Variants in MYBBP1A observed in about 807,000 individuals in gnomAD.
MYBBP1A encodes the protein myb-binding protein 1A.
Under a neutral mutation model 136.3 loss-of-function variants are expected in MYBBP1A, and 147 were observed. That is an observed-to-expected ratio of 1.08 (90% CI 0.94 to 1.24). MYBBP1A has a LOEUF of 1.24. Among genes scored for constraint, MYBBP1A ranks in the 50% most tolerant of loss-of-function variants. MYBBP1A has a pLI of 0.00. For synonymous variants in MYBBP1A, 947 were observed against 735.8 expected (o/e 1.29, Z -4.65); for missense variants, 2,060 against 1,727.4 (o/e 1.19, Z -3.41).
Position 4,539,775 on chromosome 17 carries a change from G to A in MYBBP1A, c.3627C>T (p.Gly1209=), listed in dbSNP as rs1216608505. 1.1e-5 allele frequency: 18 copies of A among 1,612,736 alleles called. No homozygotes were observed. Among genetic ancestry groups the A allele is most frequent in the Non-Finnish European group, 1.5e-5 (18 of 1,180,026 alleles). Residue 1209 remains glycine, a synonymous_variant, in exon 26 of 26, where the codon GGC becomes GGT. Transcript: ENST00000254718. ...ATGGSQPPSM[G]RKKRNRTKAK... ...CCTTTGTCCTGTTCCTCTTCTTCCT[G>A]CCCATGCTGGGGGGCTGGCTCCCGC...
Position 4,549,440 on chromosome 17 carries a change from G to A in MYBBP1A, c.1322C>T (p.Pro441Leu), listed in dbSNP as rs148415497. 1 of 1,612,094 alleles carries A rather than the reference G, an allele frequency of 6.2e-7. No homozygotes were observed. Among genetic ancestry groups the A allele is most frequent in the African/African-American group, 1.3e-5 (1 of 74,908 alleles). ...CCTCAGCCGGAACACAGCTCGCTCAGGCCTAGCGGGGCAGGAGGCGAGGTC... is the reference window on the plus strand; with the variant it reads ...CCTCAGCCGGAACACAGCTCGCTCAAGCCTAGCGGGGCAGGAGGCGAGGTC... The part of the protein sequence containing the change: ...KKAQDSSLHM[P>L]ERAVFRLRKW... Residue 441 changes from proline to leucine, a missense_variant and splice_region_variant, in exon 10 of 26, where the codon CCT (proline) becomes CTT (leucine). Coordinates refer to ENST00000254718, the MANE Select transcript of MYBBP1A (RefSeq NM_014520.4).
chr17:4,539,575 T>C lies in MYBBP1A; in HGVS notation c.3827A>G (p.Gln1276Arg). Reference sequence around the variant, plus strand: ...CTTTTTGGGAAGAGCCTTCTGATGCTGCTTTTGGCCTGCAGGTTCCGTGGG... The same window carrying C: ...CTTTTTGGGAAGAGCCTTCTGATGCCGCTTTTGGCCTGCAGGTTCCGTGGG... ...GSPTEPAGQK[Q>R]HQKALPKKGV... Residue 1276 changes from glutamine (Q) to arginine (R), a missense_variant, in exon 26 of 26, where the codon CAG becomes CGG. Physicochemically the swap from Gln to Arg is conservative, Grantham distance 43. Coordinates refer to ENST00000254718, the MANE Select transcript of MYBBP1A (RefSeq NM_014520.4). The C allele has an allele frequency of 6.2e-7, 1 of 1,614,178 alleles. No homozygotes were observed. The highest frequency in any genetic ancestry group is 8.5e-7 in the Non-Finnish European group (1 of 1,180,042).
chr17:4,539,159 C>T lies in MYBBP1A; in HGVS notation c.*256G>A, dbSNP rs1359481625. 5 of 1,463,486 alleles carry T rather than the reference C, an allele frequency of 3.4e-6. No individual in the cohort carries two copies. The South Asian group carries it at 4.3e-5, about 12-fold the overall frequency. The allele number at this position is 1,463,486 out of a possible 1,614,324, so 90.7% of individuals were successfully genotyped here. ...ACCAACCCAGGCAAACACCAGAGCC[C>T]TGGACATGGCCCTGGAGCCAGGGTC... On this transcript the variant is annotated 3_prime_UTR_variant, in exon 26 of 26. Transcript: ENST00000254718.
chr17:4,554,331 A>C (rs1907832851), intron 2 of MYBBP1A, 53 bp from the exon 3 acceptor site: 1 of 1,507,650 alleles, frequency 6.6e-7, no homozygotes, highest in Non-Finnish European at 9.2e-7. Flanking sequence ...TGGCCCAACT[A>C]CGTCTTCACA....
At chr17:4,553,313 G>T (rs1177093843) in intron 5 of MYBBP1A, among the ~76,000 whole-genome samples, 1 of 152,138 alleles carries the variant, frequency 6.6e-6, no homozygotes, top group Non-Finnish European at 1.5e-5. Flanking sequence ...AAGGGCCTAG[G>T]GTGCTACCTT....
In MYBBP1A at chr17:4,544,767, C is replaced by A; in HGVS notation, c.2465G>T (p.Arg822Leu). 6.4e-7 allele frequency: 1 copy of A among 1,571,114 alleles called. No homozygotes were observed. Among genetic ancestry groups the A allele is most frequent in the Non-Finnish European group, 8.6e-7 (1 of 1,157,482 alleles). ...NKLQKEKALR[R>L]DFQIRVLDLV... ...CAGGCTCACCCGGATCTGGAAGTCG[C>A]GCCGCAGAGCCTTCTCCTTCTGCAG... The change falls in exon 18 of 26, where the codon CGC becomes CTC. Residue 822 changes from arginine (R) to leucine (L), a missense_variant. Physicochemically the swap from Arg to Leu is moderately radical, Grantham distance 102. Coordinates refer to ENST00000254718, the MANE Select transcript of MYBBP1A (RefSeq NM_014520.4).
At position 4,545,098 on chromosome 17, in the gene MYBBP1A, C is replaced by T. The variant is rs770954876; in HGVS notation, c.2238G>A (p.Glu746=). The change falls in exon 17 of 26, where the codon GAG becomes GAA. Residue 746 remains glutamate (E), a synonymous_variant. Transcript: ENST00000254718. ...EESEGEESEE[E]ERDGDVDQGF... ...CCTGATCCACGTCCCCGTCGCGCTC[C>T]TCCTCCTCGCTCTCCTCCCCCTCGC... 2.6e-5 allele frequency: 41 copies of T among 1,600,724 alleles called. No homozygotes were observed. In the African/African-American group the frequency reaches 3.0e-4, roughly 12 times the overall value.
chr17:4,551,354 C>T (rs912206606), intron 8 of MYBBP1A, among the ~76,000 whole-genome samples: 3 of 152,240 alleles, frequency 2.0e-5, no homozygotes, highest in African/African-American at 7.2e-5. Flanking sequence ...GTCTGAACAG[C>T]CCGCTGGCTA....
chr17:4,544,643 G>T lies in MYBBP1A; in HGVS notation c.2485C>A (p.Leu829Met). ...ALRRDFQIRV[L>M]DLVEVLVTKQ... ...GTCACTAGCACCTCCACCAGGTCCA[G>T]CACCTGCAGCCAGGAGGGCAGGTCA... The change falls in exon 19 of 26, where the codon CTG becomes ATG. Residue 829 changes from leucine to methionine, a missense_variant. Physicochemically the swap from Leu to Met is conservative, Grantham distance 15. Coordinates refer to ENST00000254718, the MANE Select transcript of MYBBP1A (RefSeq NM_014520.4). 6.4e-7 allele frequency: 1 copy of T among 1,568,770 alleles called. No homozygotes were observed. The highest frequency in any genetic ancestry group is 1.8e-5 in the Admixed American group (1 of 56,624).
At chr17:4,546,028 G>C (rs1394597514) in intron 13 of MYBBP1A, 86 bp from the exon 14 acceptor site, 7 of 1,275,054 alleles carry the variant, frequency 5.5e-6, no homozygotes, top group Non-Finnish European at 7.8e-6. Context: ...AATGGCAGCA[G>C]TGGCATCAAG....
At chr17:4,540,170 T>C (rs1007607743) in intron 25 of MYBBP1A, among the ~76,000 whole-genome samples, 178 bp downstream of exon 25, 1 of 129,824 alleles carries the variant, frequency 7.7e-6, no homozygotes, top group Non-Finnish European at 1.6e-5. Context: ...CCTGCGAGGG[T>C]CCTGTGAGGG....
chr17:4,546,007 G>T (rs574667229), intron 13 of MYBBP1A, 65 bp from the exon 14 acceptor site: 75 of 1,482,054 alleles, frequency 5.1e-5, no homozygotes, highest in Non-Finnish European at 6.7e-5. Flanking sequence ...AACCAGGCAA[G>T]GGGCTGGCCA....
rs200093646 is a variant in MYBBP1A at position 4,543,177 on chromosome 17, G to A, written c.2640-12C>T. 8.1e-4 allele frequency: 1,290 copies of A among 1,595,406 alleles called. 1 individual carries two copies. Among genetic ancestry groups the A allele is most frequent in the Non-Finnish European group, 1.0e-3 (1,192 of 1,172,322 alleles). On this transcript the variant is annotated splice_polypyrimidine_tract_variant and intron_variant, in intron 19 of 25. Coordinates refer to ENST00000254718, the MANE Select transcript of MYBBP1A (RefSeq NM_014520.4). ...GGCACAGGTGGTGCCTGTGGGTGGTGAGGACGAGAGCTGGTCAGAACATTC... is the reference window on the plus strand; with the variant it reads ...GGCACAGGTGGTGCCTGTGGGTGGTAAGGACGAGAGCTGGTCAGAACATTC...
chr17:4,549,166 C>T (rs1201901889), intron 10 of MYBBP1A, among the ~76,000 whole-genome samples, 166 bp downstream of exon 10: 1 of 152,236 alleles, frequency 6.6e-6, no homozygotes, highest in Non-Finnish European at 1.5e-5. Flanking sequence ...GGGCCCCTTC[C>T]CTTCACGGGT....
intron 18 of MYBBP1A, 52 bp downstream of exon 18, chr17:4,544,699 G>A: frequency 3.3e-6 from 5 of 1,505,356 alleles, no homozygotes; most frequent in Non-Finnish European, 4.5e-6. Context: ...CAGGGAGGCG[G>A]GGGTGGGCGC....
chr17:4,545,875 T>C lies in MYBBP1A; in HGVS notation c.1892A>G (p.Lys631Arg), dbSNP rs755145072. 1 of 1,613,322 alleles carries C rather than the reference T, an allele frequency of 6.2e-7. No individual in the cohort carries two copies. The highest frequency in any genetic ancestry group is 8.5e-7 in the Non-Finnish European group (1 of 1,179,976). ...QTCIRKSLGE[K>R]PRRSRTKTID... Reference sequence around the variant, plus strand: ...GGTCTTGGTGCGGCTCCGGCGGGGCTTCTCTCCCAGACTTTTCCTGATGCA... The same window carrying C: ...GGTCTTGGTGCGGCTCCGGCGGGGCCTCTCTCCCAGACTTTTCCTGATGCA... Residue 631 changes from lysine (K) to arginine (R), a missense_variant, in exon 14 of 26, where the codon AAG (lysine) becomes AGG (arginine). Coordinates refer to ENST00000254718, the MANE Select transcript of MYBBP1A (RefSeq NM_014520.4).
chr17:4,543,327 G>A, intron 19 of MYBBP1A, 162 bp from the exon 20 acceptor site: 2 of 957,686 alleles, frequency 2.1e-6, no homozygotes, highest in Admixed American at 5.8e-5. Context: ...CCTGCAGGCT[G>A]CCTGGAAGCT....
Position 4,539,344 on chromosome 17 carries a change from TAAAAA to T in MYBBP1A, c.*66_*70del, listed in dbSNP as rs372363229. ...CAGCTTGCGTATTAAAATCATGGTT[TAAAAA>T]AAAAAAAAAAAAATAGGCGTCTCAG... On this transcript the variant is annotated 3_prime_UTR_variant, in exon 26 of 26. Transcript: ENST00000254718. 5.1e-5 allele frequency: 71 copies of T among 1,402,324 alleles called. No individual in the cohort carries two copies. Among genetic ancestry groups the T allele is most frequent in the African/African-American group, 5.0e-4 (33 of 66,088 alleles). The allele number at this position is 1,402,324 out of a possible 1,614,324, so 86.9% of individuals were successfully genotyped here. A position where few individuals can be genotyped will look rare whatever the true frequency, so the allele number is the denominator to read the frequency against.
In MYBBP1A at chr17:4,544,629, C is replaced by T. The variant is rs1906784078; in HGVS notation, c.2499G>A (p.Glu833=). ...TCTCGGGCTGCTTGGTCACTAGCAC[C>T]TCCACCAGGTCCAGCACCTGCAGCC... ...DFQIRVLDLV[E]VLVTKQPENA... is the part of the protein sequence containing the mutation. Residue 833 remains glutamate (E), a synonymous_variant, in exon 19 of 26, where the codon GAG becomes GAA. Coordinates refer to ENST00000254718, the MANE Select transcript of MYBBP1A (RefSeq NM_014520.4). 5.7e-6 allele frequency: 9 copies of T among 1,591,454 alleles called. No individual in the cohort carries two copies. Among genetic ancestry groups the T allele is most frequent in the Non-Finnish European group, 6.8e-6 (8 of 1,168,638 alleles).
Sources: gnomAD v4.1 joint callset for allele counts (sites outside exome capture counted in the v4.1 genomes callset) on GRCh38, gnomAD v4.1.1 for gene constraint, MANE v1.5 for transcripts, NCBI Gene and HGNC (gene_info 2026-07-23, HGNC 2026-07-21) for gene names.